The following SPATA22 variants were observed in gnomAD, a reference collection of about 807,000 sequenced individuals.
The protein encoded by SPATA22 is spermatogenesis associated 22, also known as spermatogenesis-associated protein 22.
A neutral mutation model predicts 47.8 loss-of-function variants in SPATA22; 29 were observed. The observed-to-expected ratio is 0.61, with a 90% confidence interval of 0.45 to 0.83. SPATA22 has a LOEUF of 0.83. SPATA22 is among the 40% of genes least tolerant of loss of function. The pLI is 0.00. For missense variants in SPATA22, 410 were observed against 421.7 expected, an observed-to-expected ratio of 0.97 and a Z score of 0.24; for synonymous variants, 133 against 140.9, an observed-to-expected ratio of 0.94 and a Z score of 0.40.
At chr17:3,497,804 G>T (rs2073933639) in intron 1 of SPATA22, among the ~76,000 whole-genome samples, 1 of 152,184 alleles carries the variant, frequency 6.6e-6, no homozygotes, top group African/African-American at 2.4e-5. Flanking sequence ...GGGTGATGCG[G>T]ATGCTGCTGG....
In SPATA22 at chr17:3,449,161, C is replaced by CAAAAA. The variant is rs34414986; in HGVS notation, c.330-17_330-13dup. ...TACCATCTCTGTAGCTGTAATAGTG[C>CAAAAA]AAAAAAAAAGCATTTGTTTCTATAT... On this transcript the variant is annotated splice_polypyrimidine_tract_variant and intron_variant, in intron 5 of 8. Transcript: ENST00000572969. 1.4e-6 allele frequency: 2 copies of CAAAAA among 1,428,262 alleles called. No individual in the cohort carries two copies. The highest frequency in any genetic ancestry group is 2.9e-5 in the African/African-American group (2 of 68,050). 88.5% of individuals were successfully genotyped at this position (1,428,262 alleles called of 1,614,324 possible).
At chr17:3,458,944 T>C (rs2073061496) in intron 5 of SPATA22, among the ~76,000 whole-genome samples, 1 of 144,862 alleles carries the variant, frequency 6.9e-6, no homozygotes, top group Admixed American at 6.9e-5. Context: ...CATAAAGAGA[T>C]AACGGAATAC....
chr17:3,476,093 A>C (rs2073517098), upstream of SPATA22: 1 of 1,449,960 alleles, frequency 6.9e-7, no homozygotes. Flanking sequence ...AACCTTTCTT[A>C]AGAAAATCGA....
At chr17:3,473,110 A>T (rs9914574), upstream of SPATA22, among the ~76,000 whole-genome samples, 2,575 of 55,674 alleles carry the variant, frequency 0.046, 85 homozygotes, top group African/African-American at 0.09. Context: ...ATTTTTCATT[A>T]AAAAAAAAAA....
chr17:3,481,130 T>G (rs2073620172), intron 1 of SPATA22, among the ~76,000 whole-genome samples: 1 of 152,062 alleles, frequency 6.6e-6, no homozygotes, highest in African/African-American at 2.4e-5. Flanking sequence ...CTCAAAAAAT[T>G]AAAAATTAAA....
At chr17:3,463,933 C>CCCTCTCCCTCTG (rs56193629) in intron 3 of SPATA22, among the ~76,000 whole-genome samples, 16,543 of 96,534 alleles carry the variant, frequency 0.17, 2,127 homozygotes, top group Non-Finnish European at 0.26. Flanking sequence ...CTCTCCCTCT[C>CCCTCTCCCTCTG]CCTCTCCCTC....
rs540965896 is a variant in SPATA22, at chr17:3,491,877, C to CTTTT, written c.-74+21531_-74+21534dup. Among the ~76,000 whole-genome samples the CTTTT allele has an allele frequency of 3.7e-4, 46 of 123,032 alleles. 1 individual carries two copies. Among genetic ancestry groups the CTTTT allele is most frequent in the East Asian group, 4.7e-4 (2 of 4,226 alleles). 80.7% of individuals were successfully genotyped at this position (123,032 alleles called of 152,430 possible). On this transcript the variant is annotated intron_variant, in intron 1 of 8. Transcript: ENST00000541913. Reference sequence around the variant, plus strand: ...GACAGAAATTTTTTTCTTTTGTTTTCTTTTTTTTTTTTTTTTTTGAGACAG... The same window carrying CTTTT: ...GACAGAAATTTTTTTCTTTTGTTTTCTTTTTTTTTTTTTTTTTTTTTTGAGACAG...
intron 3 of SPATA22, among the ~76,000 whole-genome samples, chr17:3,463,759 A>G (rs1403077894): frequency 6.6e-6 from 1 of 152,124 alleles, no homozygotes; most frequent in Admixed American, 6.5e-5. Context: ...CACCACCATC[A>G]CACAGGTGGT....
chr17:3,508,200 A>C (rs967251206), intron 1 of SPATA22, among the ~76,000 whole-genome samples: 5 of 152,122 alleles, frequency 3.3e-5, no homozygotes, highest in Non-Finnish European at 7.3e-5. Flanking sequence ...CCACAATGAG[A>C]TACCATCTCA....
intron 7 of SPATA22, among the ~76,000 whole-genome samples, chr17:3,444,447 G>A (rs2072672661): frequency 6.6e-6 from 1 of 152,028 alleles, no homozygotes; most frequent in Non-Finnish European, 1.5e-5. Flanking sequence ...GCAATCAGAA[G>A]AAAAATCTAA....
At chr17:3,493,207 C>T (rs187935605) in intron 1 of SPATA22, among the ~76,000 whole-genome samples, 3 of 152,314 alleles carry the variant, frequency 2.0e-5, no homozygotes, top group African/African-American at 7.2e-5. Flanking sequence ...CCACCACTGG[C>T]AGGCTGCCTG....
In SPATA22 at chr17:3,448,830, T is replaced by C; in HGVS notation, c.649A>G (p.Ile217Val). The change falls in exon 6 of 9, where the codon ATT (isoleucine) becomes GTT (valine). Residue 217 changes from isoleucine to valine, a missense_variant. Physicochemically the swap from Ile to Val is conservative, Grantham distance 29 (BLOSUM62 3). Coordinates refer to ENST00000572969, the MANE Select transcript of SPATA22 (RefSeq NM_001170698.2). ...NQYKKQMLDD[I>V]PEDNTLKETS... ...ACCTTCAGGGTGTTGTCTTCTGGAA[T>C]ATCATCCAACATTTGTTTCTTATAT... 6.2e-7 allele frequency: 1 copy of C among 1,608,162 alleles called. No homozygotes were observed. The highest frequency in any genetic ancestry group is 8.5e-7 in the Non-Finnish European group (1 of 1,176,746).
At chr17:3,452,224 A>C (rs1187479165) in intron 5 of SPATA22, among the ~76,000 whole-genome samples, 1 of 151,622 alleles carries the variant, frequency 6.6e-6, no homozygotes, top group African/African-American at 2.4e-5. Flanking sequence ...TAACAAACTA[A>C]GCCCAAAATA....
chr17:3,489,623 A>G (rs2073788080), intron 1 of SPATA22, among the ~76,000 whole-genome samples: 1 of 152,350 alleles, frequency 6.6e-6, no homozygotes, highest in African/African-American at 2.4e-5. Context: ...GTTCAACATC[A>G]CTAGTAATTA....
chr17:3,478,254 T>C (rs2073566585), intron 1 of SPATA22, among the ~76,000 whole-genome samples: 1 of 152,184 alleles, frequency 6.6e-6, no homozygotes, highest in African/African-American at 2.4e-5. Flanking sequence ...GTGCTTGTTT[T>C]CTGATCAACT....
chr17:3,483,745 C>T (rs1270220193), intron 1 of SPATA22, among the ~76,000 whole-genome samples: 2 of 152,184 alleles, frequency 1.3e-5, no homozygotes, highest in Admixed American at 6.5e-5. Context: ...TCACTGCAAC[C>T]TCTACCTCTC....
chr17:3,468,344 T>C (rs889536669), intron 2 of SPATA22: 22 of 152,206 alleles, frequency 1.4e-4, no homozygotes, highest in African/African-American at 5.1e-4. Flanking sequence ...AGTGGAAGAA[T>C]CTAGATAGGA....
intron 6 of SPATA22, 43 bp from the exon 7 acceptor site, chr17:3,446,644 T>G: frequency 7.1e-7 from 1 of 1,408,800 alleles, no homozygotes; most frequent in Non-Finnish European, 9.5e-7. Context: ...AAATATTTGT[T>G]TTTTTCATCA....
intron 5 of SPATA22, among the ~76,000 whole-genome samples, chr17:3,453,042 C>T (rs565610704): frequency 6.6e-6 from 1 of 152,176 alleles, no homozygotes; most frequent in Non-Finnish European, 1.5e-5. Flanking sequence ...ACTAGCATCA[C>T]TCTGATATCA....
Sources: gnomAD v4.1 joint callset for allele counts (sites outside exome capture counted in the v4.1 genomes callset) on GRCh38, gnomAD v4.1.1 for gene constraint, MANE v1.5 for transcripts, NCBI Gene and HGNC (gene_info 2026-07-23, HGNC 2026-07-21) for gene names.